The following TPRG1 variants were observed in gnomAD, a reference collection of about 807,000 sequenced individuals.
TPRG1 encodes tumor protein p63 regulated 1, also known as tumor protein p63-regulated gene 1 protein.
In TPRG1, 29 loss-of-function variants were observed where a neutral mutation model predicts 29.3. The ratio of observed to expected loss-of-function variants is 0.99; its 90% CI spans 0.74 to 1.35. TPRG1 has a LOEUF of 1.35. Among genes scored for constraint, TPRG1 ranks in the 40% most tolerant of loss-of-function variants. The pLI is 0.00. For synonymous variants in TPRG1, 130 were observed against 116.8 expected (o/e 1.11, Z -0.73); for missense variants, 327 against 335.0 (o/e 0.98, Z 0.19).
intron 1 of TPRG1, among the ~76,000 whole-genome samples, chr3:189,112,339 G>T (rs540631604): frequency 6.6e-6 from 1 of 152,294 alleles, no homozygotes; most frequent in South Asian, 2.1e-4. Context: ...TGTTCACTCT[G>T]ATGGTAGTTT....
At chr3:189,038,157 GA>G (rs1010428703) in intron 4 of TPRG1, among the ~76,000 whole-genome samples, 3 of 149,814 alleles carry the variant, frequency 2.0e-5, no homozygotes, top group East Asian at 1.9e-4. Flanking sequence ...AACCATAAAA[GA>G]AAAAAAAATA....
chr3:189,300,002 G>T (rs1429215024), intron 4 of TPRG1, among the ~76,000 whole-genome samples: 2 of 152,178 alleles, frequency 1.3e-5, no homozygotes, highest in African/African-American at 4.8e-5. Flanking sequence ...TGGTTGGAGT[G>T]ACACTATGGA....
At chr3:189,129,326 T>C (rs1578454937) in intron 2 of TPRG1, among the ~76,000 whole-genome samples, 1 of 152,214 alleles carries the variant, frequency 6.6e-6, no homozygotes, top group East Asian at 1.9e-4. Context: ...TTCTTGGGAC[T>C]ATACTGAAGG....
At chr3:189,032,841 T>C (rs1481216875) in intron 4 of TPRG1, among the ~76,000 whole-genome samples, 2 of 145,448 alleles carry the variant, frequency 1.4e-5, no homozygotes, top group Admixed American at 7.1e-5. Flanking sequence ...AGTGAGAACA[T>C]GCGGTGTTTG....
At chr3:189,156,593 T>C (rs78641476) in intron 5 of TPRG1, among the ~76,000 whole-genome samples, 2,000 of 152,306 alleles carry the variant, frequency 0.013, 37 homozygotes, top group African/African-American at 0.046. Context: ...CCCCTGGCGA[T>C]ACCCTTTCTG....
At chr3:189,105,049 A>T (rs1358413193) in intron 1 of TPRG1, among the ~76,000 whole-genome samples, 1 of 152,188 alleles carries the variant, frequency 6.6e-6, no homozygotes, top group Non-Finnish European at 1.5e-5. Flanking sequence ...AAAGATTTCC[A>T]ATAAAATTTC....
At chr3:189,004,268 TA>T (rs952110937) in intron 2 of TPRG1, among the ~76,000 whole-genome samples, 3 of 151,964 alleles carry the variant, frequency 2.0e-5, no homozygotes, top group Non-Finnish European at 2.9e-5. Flanking sequence ...AAATTAAAGT[TA>T]AAAAAAATAC....
intron 1 of TPRG1, among the ~76,000 whole-genome samples, chr3:189,206,812 T>TGTGTGTGTGC (rs1734454946): frequency 6.6e-6 from 1 of 151,612 alleles, no homozygotes; most frequent in Non-Finnish European, 1.5e-5. Flanking sequence ...AACAACCGTG[T>TGTGTGTGTGC]GTGTGTGTGT....
At position 189,291,091 on chromosome 3, in the gene TPRG1, C is replaced by T. The variant is rs890569255; in HGVS notation, c.480-19295C>T. ...TAATTTTTTTTATTTTTAGTAGAGA[C>T]GGGGTTTCACCATGTTAGCCAGGAT... On this transcript the variant is annotated intron_variant, in intron 4 of 5. Transcript: ENST00000345063. 4.6e-5 allele frequency among the ~76,000 whole-genome samples: 7 copies of T among 151,892 alleles called. No homozygotes were observed. The East Asian group carries it at 5.8e-4, about 13-fold the overall frequency.
chr3:189,203,311 T>A (rs970389069), intron 1 of TPRG1, among the ~76,000 whole-genome samples: 3 of 152,120 alleles, frequency 2.0e-5, no homozygotes, highest in Non-Finnish European at 4.4e-5. Flanking sequence ...GGCAAGGTAG[T>A]ACTTCCTTAA....
At chr3:189,015,610 T>A (rs759437604) in intron 3 of TPRG1, among the ~76,000 whole-genome samples, 2 of 152,290 alleles carry the variant, frequency 1.3e-5, no homozygotes, top group Admixed American at 1.3e-4. Flanking sequence ...AATGGTTTCA[T>A]AAGCCAGGCC....
At chr3:189,028,294 G>A (rs1713762728) in intron 4 of TPRG1, among the ~76,000 whole-genome samples, 1 of 152,208 alleles carries the variant, frequency 6.6e-6, no homozygotes, top group South Asian at 2.1e-4. Context: ...GCACTTGAGG[G>A]AGACGCTTGG....
At chr3:189,031,280 G>T (rs1026708426) in intron 4 of TPRG1, among the ~76,000 whole-genome samples, 1 of 116,090 alleles carries the variant, frequency 8.6e-6, no homozygotes. Context: ...GACAGAGCGA[G>T]ACTCTGTCTT....
chr3:189,158,757 G>T (rs1038810883), intron 5 of TPRG1, among the ~76,000 whole-genome samples: 1 of 151,954 alleles, frequency 6.6e-6, no homozygotes, highest in Non-Finnish European at 1.5e-5. Flanking sequence ...CTCCATCTTG[G>T]GTTCTGTCTC....
chr3:189,172,455 G>T (rs1232163328), intron 1 of TPRG1, among the ~76,000 whole-genome samples: 1 of 152,118 alleles, frequency 6.6e-6, no homozygotes, highest in Non-Finnish European at 1.5e-5. Context: ...ACTGAAGCTT[G>T]GTCAATTGAA....
At chr3:189,291,483 G>A (rs1718992590) in intron 4 of TPRG1, among the ~76,000 whole-genome samples, 2 of 152,138 alleles carry the variant, frequency 1.3e-5, no homozygotes, top group African/African-American at 4.8e-5. Context: ...TGAAACTATG[G>A]TGCCAAAGAG....
Position 189,226,514 on chromosome 3 carries a change from G to A in TPRG1, c.302+11131G>A, listed in dbSNP as rs561607458. Among the ~76,000 whole-genome samples the A allele has an allele frequency of 7.9e-5, 12 of 152,070 alleles. No individual in the cohort carries two copies. In the East Asian group the frequency reaches 1.2e-3, roughly 15 times the overall value. On this transcript the variant is annotated intron_variant, in intron 3 of 5. Transcript: ENST00000345063. Reference sequence around the variant, plus strand: ...CTTATCAAAATGTGTGGGACGCAGCGAAAACAGTGCTGAAAGTGGAATTTA... The same window carrying A: ...CTTATCAAAATGTGTGGGACGCAGCAAAAACAGTGCTGAAAGTGGAATTTA...
intron 4 of TPRG1, among the ~76,000 whole-genome samples, chr3:189,076,846 T>A (rs2152162876): frequency 6.6e-6 from 1 of 152,014 alleles, no homozygotes; most frequent in Non-Finnish European, 1.5e-5. Flanking sequence ...TGTCATTTAT[T>A]GAGTCAGATT....
intron 1 of TPRG1, among the ~76,000 whole-genome samples, chr3:189,194,850 A>G (rs1175593994): frequency 1.3e-5 from 2 of 152,020 alleles, no homozygotes; most frequent in African/African-American, 4.8e-5. Flanking sequence ...GAGCATGGCT[A>G]TTATCTGAGC....
Sources: gnomAD v4.1 joint callset for allele counts (sites outside exome capture counted in the v4.1 genomes callset) on GRCh38, gnomAD v4.1.1 for gene constraint, MANE v1.5 for transcripts, NCBI Gene and HGNC (gene_info 2026-07-23, HGNC 2026-07-21) for gene names.